The following NRDC variants were observed in gnomAD, a reference collection of about 807,000 sequenced individuals.
The protein encoded by NRDC is nardilysin convertase.
In NRDC, 54 loss-of-function variants were observed where a neutral mutation model predicts 147.1. The ratio of observed to expected loss-of-function variants is 0.37; its 90% CI spans 0.29 to 0.46. The LOEUF (loss-of-function observed/expected upper bound fraction) is 0.46. NRDC is among the 20% of genes least tolerant of loss of function. The pLI, the probability that NRDC is intolerant of heterozygous loss-of-function variation, is 1.00. For missense variants in NRDC, 1,082 were observed against 1,370.6 expected, an observed-to-expected ratio of 0.79 and a Z score of 3.33; for synonymous variants, 440 against 482.1, an observed-to-expected ratio of 0.91 and a Z score of 1.14.
rs1680511181 is a variant in NRDC at position 51,827,820 on chromosome 1, G to A, written c.916C>T (p.Arg306Cys). ...HPLMIRDAID[R>C]EVEAVDSEYQ... ...CCACTATCAACAGCTTCAACTTCACGGTCAATTGCATCTCTGATCATTAGT... is the reference window on the plus strand; with the variant it reads ...CCACTATCAACAGCTTCAACTTCACAGTCAATTGCATCTCTGATCATTAGT... The change falls in exon 5 of 31, where the codon CGT becomes TGT. Residue 306 changes from arginine (R) to cysteine (C), a missense_variant. Arg to Cys is a radical substitution (Grantham distance 180). Transcript: ENST00000352171. 1.9e-6 allele frequency: 3 copies of A among 1,613,782 alleles called. No individual in the cohort carries two copies. Among genetic ancestry groups the A allele is most frequent in the Non-Finnish European group, 2.5e-6 (3 of 1,179,808 alleles).
In NRDC at chr1:51,823,229, C is replaced by G. The variant is rs201685671; in HGVS notation, c.1159+435G>C. ...GATAATTCTTAAATTGTCACCATGT[C>G]AATCTCAATTAATCATGCCATTTTT... is the stretch of plus-strand genomic sequence containing the variant. On this transcript the variant is annotated intron_variant, in intron 7 of 30. Coordinates refer to ENST00000352171, the MANE Select transcript of NRDC (RefSeq NM_001101662.2). Among the ~76,000 whole-genome samples the G allele has an allele frequency of 2.0e-5, 3 of 152,142 alleles. No homozygotes were observed. The East Asian group carries it at 5.8e-4, about 29-fold the overall frequency.
At chr1:51,813,442 A>G (rs1270205620) in intron 14 of NRDC, among the ~76,000 whole-genome samples, 1 of 152,146 alleles carries the variant, frequency 6.6e-6, no homozygotes, top group Non-Finnish European at 1.5e-5. Context: ...CGACAGGCAG[A>G]GCGGACATCA....
At position 51,811,856 on chromosome 1, in the gene NRDC, A is replaced by G. The variant is rs528687879; in HGVS notation, c.1779+138T>C. 1.1e-5 allele frequency: 6 copies of G among 533,934 alleles called. No individual in the cohort carries two copies. The South Asian group carries it at 1.6e-4, about 14-fold the overall frequency. 33.1% of individuals were successfully genotyped at this position (533,934 alleles called of 1,614,324 possible). The stretch of plus-strand genomic sequence containing the variant: ...AGAAATTATTCACAAAACTGTTGAT[A>G]CTTCTGTTTAAACAAACAAAAATCC... On this transcript the variant is annotated intron_variant, in intron 15 of 30. Transcript: ENST00000352171.
Position 51,826,748 on chromosome 1 carries a change from A to G in NRDC, c.940+1048T>C, listed in dbSNP as rs145177783. Among the ~76,000 whole-genome samples the G allele has an allele frequency of 3.5e-3, 533 of 152,318 alleles. 5 individuals are homozygous for G. The highest frequency in any genetic ancestry group is 0.012 in the African/African-American group (499 of 41,578). The stretch of plus-strand genomic sequence containing the variant: ...TTAGTTCAGCATAAACCAAAACTCC[A>G]TACTGTGTGTGTATATACATATATA... On this transcript the variant is annotated intron_variant, in intron 5 of 30. Transcript: ENST00000352171.
At chr1:51,869,736 T>A (rs945636616) in intron 1 of NRDC, among the ~76,000 whole-genome samples, 1 of 152,216 alleles carries the variant, frequency 6.6e-6, no homozygotes, top group Non-Finnish European at 1.5e-5. Context: ...CCTTATCCAA[T>A]ATATAAACAG....
At chr1:51,826,549 CATACT>C (rs1680454047) in intron 5 of NRDC, among the ~76,000 whole-genome samples, 1 of 152,188 alleles carries the variant, frequency 6.6e-6, no homozygotes, top group Non-Finnish European at 1.5e-5. Flanking sequence ...ATCACTAAGA[CATACT>C]ATGCAGGCAA....
intron 21 of NRDC, among the ~76,000 whole-genome samples, chr1:51,799,470 G>A (rs1415568414): frequency 6.6e-6 from 1 of 151,732 alleles, no homozygotes; most frequent in African/African-American, 2.4e-5. Context: ...GTTATTACAT[G>A]ACTGATTCCT....
intron 1 of NRDC, among the ~76,000 whole-genome samples, chr1:51,861,508 ATTATTT>A (rs1354926773): frequency 4.1e-5 from 6 of 145,062 alleles, no homozygotes; most frequent in Admixed American, 1.4e-4. Context: ...TATTATTATT[ATTATTT>A]TTTTTTATTT....
At chr1:51,810,158 C>T (rs1557905206) in intron 16 of NRDC, 123 bp downstream of exon 16, 1 of 628,822 alleles carries the variant, frequency 1.6e-6, no homozygotes, top group Non-Finnish European at 2.4e-6. Flanking sequence ...ATTTTCATTT[C>T]AAAGTGAACT....
In NRDC at chr1:51,789,384, C is replaced by T; in HGVS notation, c.3308G>A (p.Ser1103Asn). ...TTCACAAGAAGAATTTGAATCCTCACTAGAAGGGGTACCATCCTCTTCCAG... is the reference window on the plus strand; with the variant it reads ...TTCACAAGAAGAATTTGAATCCTCATTAGAAGGGGTACCATCCTCTTCCAG... ...YELEEDGTPS[S>N]EDSNSSCEVM... The change falls in exon 31 of 31, where the codon AGT (serine) becomes AAT (asparagine). Residue 1103 changes from serine to asparagine, a missense_variant. Physicochemically the swap from Ser to Asn is conservative, Grantham distance 46. Transcript: ENST00000352171. 6.2e-7 allele frequency: 1 copy of T among 1,614,150 alleles called. No individual in the cohort carries two copies. The highest frequency in any genetic ancestry group is 8.5e-7 in the Non-Finnish European group (1 of 1,180,018).
At chr1:51,832,209 G>A (rs1680747190) in intron 4 of NRDC, among the ~76,000 whole-genome samples, 2 of 151,776 alleles carry the variant, frequency 1.3e-5, no homozygotes, top group Non-Finnish European at 2.9e-5. Context: ...ACCAAGCCCA[G>A]CTAATTTTTG....
At chr1:51,877,122 A>C (rs1683368753) in intron 1 of NRDC, among the ~76,000 whole-genome samples, 1 of 150,460 alleles carries the variant, frequency 6.6e-6, no homozygotes, top group South Asian at 2.1e-4. Context: ...CGGGAGGCGG[A>C]GGTTGCAGTG....
intron 1 of NRDC, among the ~76,000 whole-genome samples, chr1:51,852,444 T>C (rs1682001128): frequency 7.0e-6 from 1 of 143,332 alleles, no homozygotes; most frequent in Non-Finnish European, 1.5e-5. Flanking sequence ...TATATAACTA[T>C]ATATATAAAA....
chr1:51,791,218 CAT>C (rs1421875907), intron 27 of NRDC, among the ~76,000 whole-genome samples: 1 of 152,162 alleles, frequency 6.6e-6, no homozygotes, highest in Non-Finnish European at 1.5e-5. Flanking sequence ...CTGGTATCCT[CAT>C]AATGAAGCAG....
chr1:51,801,315 C>G (rs1055256549), intron 20 of NRDC: 2 of 151,646 alleles, frequency 1.3e-5, no homozygotes, highest in Non-Finnish European at 2.9e-5. Flanking sequence ...CCATTTGTTT[C>G]TTTCTTTTTT....
chr1:51,838,229 T>C (rs1308261318), intron 2 of NRDC, among the ~76,000 whole-genome samples: 1 of 152,122 alleles, frequency 6.6e-6, no homozygotes, highest in Non-Finnish European at 1.5e-5. Context: ...AAAAGAAAGG[T>C]AGCATCTAAG....
At chr1:51,853,067 C>A (rs931443518) in intron 1 of NRDC, among the ~76,000 whole-genome samples, 1 of 151,630 alleles carries the variant, frequency 6.6e-6, no homozygotes, top group Non-Finnish European at 1.5e-5. Flanking sequence ...ACTAAAAATA[C>A]AAAAAAATTA....
chr1:51,866,850 T>TTA (rs1002974112), intron 1 of NRDC, among the ~76,000 whole-genome samples: 30 of 151,996 alleles, frequency 2.0e-4, no homozygotes, highest in African/African-American at 7.0e-4. Flanking sequence ...TACATGAAAT[T>TTA]TAGATAGTGG....
chr1:51,841,143 G>T (rs1681247079), intron 1 of NRDC, among the ~76,000 whole-genome samples: 1 of 152,138 alleles, frequency 6.6e-6, no homozygotes, highest in South Asian at 2.1e-4. Flanking sequence ...TACTGCCCAG[G>T]CTGATTTTAA....
Sources: allele counts gnomAD v4.1 joint callset (sites outside exome capture counted in the v4.1 genomes callset), GRCh38; gene constraint gnomAD v4.1.1; transcripts MANE v1.5; gene names NCBI Gene and HGNC (gene_info 2026-07-23, HGNC 2026-07-21).